RNF220: variants seen among roughly 807,000 people sequenced by gnomAD.
The protein encoded by RNF220 is E3 ubiquitin-protein ligase RNF220.
A neutral mutation model predicts 67.1 loss-of-function variants in RNF220; 7 were observed. That is an observed-to-expected ratio of 0.10 (90% CI 0.06 to 0.20). The LOEUF (loss-of-function observed/expected upper bound fraction) is 0.20. Among genes scored for constraint, RNF220 ranks in the 10% least tolerant of loss-of-function variants. The pLI is 1.00. For synonymous variants in RNF220, 270 were observed against 283.2 expected (o/e 0.95, Z 0.47); for missense variants, 565 against 740.3 (o/e 0.76, Z 2.75).
chr1:44,637,678 C>T (rs1201625367), intron 8 of RNF220, among the ~76,000 whole-genome samples: 3 of 152,218 alleles, frequency 2.0e-5, no homozygotes, highest in Admixed American at 6.5e-5. Flanking sequence ...TCCCCTGTGC[C>T]GGGATGCACT....
intron 2 of RNF220, among the ~76,000 whole-genome samples, chr1:44,464,811 C>A (rs1055936843): frequency 1.3e-5 from 2 of 152,154 alleles, no homozygotes; most frequent in East Asian, 1.9e-4. Context: ...GCCTAGATTG[C>A]CGCTATAGCC....
intron 2 of RNF220, among the ~76,000 whole-genome samples, chr1:44,538,319 TG>T (rs1661396585): frequency 6.6e-6 from 1 of 152,238 alleles, no homozygotes. Context: ...ACCCTATAAA[TG>T]TTTTTTTAAT....
At chr1:44,456,333 A>G (rs1653176990) in intron 2 of RNF220, among the ~76,000 whole-genome samples, 1 of 152,176 alleles carries the variant, frequency 6.6e-6, no homozygotes, top group African/African-American at 2.4e-5. Flanking sequence ...AGATTATATG[A>G]ATTTTGTGCA....
At chr1:44,513,242 G>T (rs1231797971) in intron 2 of RNF220, among the ~76,000 whole-genome samples, 1 of 152,172 alleles carries the variant, frequency 6.6e-6, no homozygotes, top group Admixed American at 6.5e-5. Context: ...AGCTCTTCTG[G>T]GAATGGAAAT....
chr1:44,623,073 G>A (rs577550447), intron 4 of RNF220, among the ~76,000 whole-genome samples: 1 of 152,176 alleles, frequency 6.6e-6, no homozygotes, highest in Non-Finnish European at 1.5e-5. Context: ...GGAGATGTGG[G>A]TGACCCAGAC....
At chr1:44,552,632 G>T (rs272521) in intron 2 of RNF220, among the ~76,000 whole-genome samples, 2 of 124,894 alleles carry the variant, frequency 1.6e-5, no homozygotes, top group Non-Finnish European at 3.2e-5. Context: ...GTGCAGTTGC[G>T]CAATCTCGGC....
chr1:44,432,119 G>C (rs1650444555), intron 2 of RNF220, among the ~76,000 whole-genome samples: 1 of 151,958 alleles, frequency 6.6e-6, no homozygotes. Flanking sequence ...CCATGTTTTT[G>C]CTGTCATAAT....
chr1:44,634,875 C>T (rs1212923175), intron 6 of RNF220, among the ~76,000 whole-genome samples: 1 of 152,106 alleles, frequency 6.6e-6, no homozygotes, highest in South Asian at 2.1e-4. Context: ...GGAACAGGTT[C>T]GGGTGGGCAC....
chr1:44,490,578 C>T (rs1351782609), intron 2 of RNF220, among the ~76,000 whole-genome samples: 4 of 151,518 alleles, frequency 2.6e-5, no homozygotes, highest in Non-Finnish European at 5.9e-5. Context: ...AAACTTATGA[C>T]ATACAGCTAA....
At position 44,650,664 on chromosome 1, in the gene RNF220, C is replaced by G. The variant is rs889275665; in HGVS notation, c.1630-40C>G. ...CAGGTGCTCACATGCGCACACATGGCTCATTGTGTAGACCAGAGCCCTCCC... is the reference window on the plus strand; with the variant it reads ...CAGGTGCTCACATGCGCACACATGGGTCATTGTGTAGACCAGAGCCCTCCC... On this transcript the variant is annotated intron_variant, in intron 14 of 14. Transcript: ENST00000361799. This position sits in a 1 kb window ranked among gnomAD's most constrained non-coding sequence, Gnocchi z 4.3. 3.1e-6 allele frequency: 5 copies of G among 1,592,784 alleles called. No individual in the cohort carries two copies. In the African/African-American group the frequency reaches 4.0e-5, roughly 13 times the overall value.
chr1:44,411,943 T>G, intron 1 of RNF220, 38 bp from the exon 2 acceptor site: 4 of 789,566 alleles, frequency 5.1e-6, no homozygotes, highest in East Asian at 2.9e-5. Context: ...CCCCTGACTT[T>G]CCTCCCCCTT....
At chr1:44,405,576 G>A (rs1293166727) in intron 1 of RNF220, 46 bp downstream of exon 1, 1 of 335,760 alleles carries the variant, frequency 3.0e-6, no homozygotes, top group Admixed American at 5.1e-5. Flanking sequence ...GTACCCAAGA[G>A]GGGTGGGTGC....
In RNF220 at chr1:44,451,099, C is replaced by T. The variant is rs936405363; in HGVS notation, c.625+38377C>T. Among the ~76,000 whole-genome samples the T allele has an allele frequency of 4.6e-5, 7 of 151,318 alleles. No homozygotes were observed. In the South Asian group the frequency reaches 6.3e-4, roughly 14 times the overall value. On this transcript the variant is annotated intron_variant, in intron 2 of 14. Coordinates refer to ENST00000361799, the MANE Select transcript of RNF220 (RefSeq NM_018150.4). Reference sequence around the variant, plus strand: ...TCAGGAGGCTGAGGCAGGAGAATGGCGTGAACCTGGGAGGTGGAGGTTGCA... The same window carrying T: ...TCAGGAGGCTGAGGCAGGAGAATGGTGTGAACCTGGGAGGTGGAGGTTGCA...
In RNF220 at chr1:44,650,162, C is replaced by G; in HGVS notation, c.1629+205C>G. 1.6e-6 allele frequency: 1 copy of G among 610,314 alleles called. No individual in the cohort carries two copies. Among genetic ancestry groups the G allele is most frequent in the Non-Finnish European group, 2.9e-6 (1 of 346,890 alleles). The allele number at this position is 610,314 out of a possible 1,614,324, so 37.8% of individuals were successfully genotyped here. On this transcript the variant is annotated intron_variant, in intron 14 of 14. Coordinates refer to ENST00000361799, the MANE Select transcript of RNF220 (RefSeq NM_018150.4). This position sits in a 1 kb window ranked among gnomAD's most constrained non-coding sequence, Gnocchi z 4.3. ...ACTGCAGGTTTAGGAACTTCTCCCC[C>G]TCCATGAGTTCACTGCATTCTCCCT...
rs182920471 is a variant in RNF220, at chr1:44,561,438, G to A, written c.626-52727G>A. On this transcript the variant is annotated intron_variant, in intron 2 of 14. Transcript: ENST00000361799. ...GGCAGAGAATTGCTTGAACCCGGGA[G>A]GTGAAGGTTGCAGTGAGCCCAGATC... 3.2e-3 allele frequency among the ~76,000 whole-genome samples: 488 copies of A among 152,314 alleles called. 3 individuals are homozygous for A. Among genetic ancestry groups the A allele is most frequent in the African/African-American group, 0.011 (473 of 41,576 alleles).
chr1:44,542,325 A>G lies in RNF220; in HGVS notation c.626-71840A>G, dbSNP rs79144947. 7.2e-3 allele frequency among the ~76,000 whole-genome samples: 1,101 copies of G among 152,296 alleles called. 15 individuals are homozygous for G. Among genetic ancestry groups the G allele is most frequent in the African/African-American group, 0.025 (1,049 of 41,558 alleles). ...ATCTGTATCTGGGTGCCGTGAGTCC[A>G]AGGCTGTGGCCTCACTGAGGACAGT... On this transcript the variant is annotated intron_variant, in intron 2 of 14. Coordinates refer to ENST00000361799, the MANE Select transcript of RNF220 (RefSeq NM_018150.4).
intron 2 of RNF220, among the ~76,000 whole-genome samples, chr1:44,552,221 A>G (rs77558729): frequency 0.078 from 11,835 of 152,210 alleles, 817 homozygotes; most frequent in African/African-American, 0.17. Context: ...TCCATCATGA[A>G]TGAAAATGAA....
At chr1:44,507,734 C>T (rs761751048) in intron 2 of RNF220, among the ~76,000 whole-genome samples, 14 of 152,224 alleles carry the variant, frequency 9.2e-5, no homozygotes, top group East Asian at 3.9e-4. Flanking sequence ...GTGAAGTGGC[C>T]GGTGTGGGCG....
intron 7 of RNF220, 78 bp downstream of exon 7, chr1:44,635,666 G>A (rs1644306011): frequency 2.5e-6 from 4 of 1,611,634 alleles, no homozygotes; most frequent in African/African-American, 1.3e-5. Flanking sequence ...GCCTTTCTAA[G>A]GTAGAGGGGC....
Sources: gnomAD v4.1 joint callset for allele counts (sites outside exome capture counted in the v4.1 genomes callset) on GRCh38, gnomAD v4.1.1 for gene constraint, Gnocchi (gnomAD v3.1) non-coding constraint, MANE v1.5 for transcripts, NCBI Gene and HGNC (gene_info 2026-07-23, HGNC 2026-07-21) for gene names.